CORO2B: variants seen among roughly 807,000 people sequenced by gnomAD.
CORO2B encodes coronin 2B, also known as coronin-2B.
CORO2B carries 26 observed loss-of-function variants against 58.8 expected under a neutral mutation model. The ratio of observed to expected loss-of-function variants is 0.44; its 90% CI spans 0.32 to 0.61. The LOEUF (loss-of-function observed/expected upper bound fraction) is 0.61. Ranked by LOEUF, CORO2B falls within the 20% of genes least tolerant of loss-of-function variation. The pLI is 0.04. For synonymous variants in CORO2B, 242 were observed against 253.8 expected, an observed-to-expected ratio of 0.95 and a Z score of 0.44; for missense variants, 460 against 645.1, an observed-to-expected ratio of 0.71 and a Z score of 3.11.
At chr15:68,632,067 C>G in intron 1 of CORO2B, 1 of 985,466 alleles carries the variant, frequency 1.0e-6, no homozygotes, top group Non-Finnish European at 1.2e-6. Context: ...GCTCCCAGGC[C>G]TCTCAGATGC....
intron 1 of CORO2B, among the ~76,000 whole-genome samples, chr15:68,619,315 C>T (rs1382992982): frequency 4.6e-5 from 7 of 152,166 alleles, no homozygotes; most frequent in Non-Finnish European, 1.0e-4. Context: ...CTTAGATTTT[C>T]ATCCTGCTGC....
upstream of CORO2B, among the ~76,000 whole-genome samples, chr15:68,576,449 A>G (rs1899289396): frequency 6.6e-6 from 1 of 152,204 alleles, no homozygotes; most frequent in Admixed American, 6.5e-5. Flanking sequence ...TACTTGTCTC[A>G]TTCTCAGAGC....
rs1324776228 is a variant in CORO2B, at chr15:68,714,680, G to A, written c.870+17G>A. ...GCTGGAAAGGTAGTAGGAGGTGGGG[G>A]AGGGCCCGGGGCAGCCTGTGGGAGA... On this transcript the variant is annotated intron_variant, in intron 7 of 11. Transcript: ENST00000261861. 6.3e-7 allele frequency: 1 copy of A among 1,597,806 alleles called. No individual in the cohort carries two copies. Among genetic ancestry groups the A allele is most frequent in the Non-Finnish European group, 8.6e-7 (1 of 1,165,764 alleles).
the CORO2B span, among the ~76,000 whole-genome samples, chr15:68,559,840 C>G: frequency 6.6e-6 from 1 of 152,252 alleles, no homozygotes; most frequent in Admixed American, 6.5e-5. This position sits in a 1 kb window ranked among gnomAD's most constrained non-coding sequence, Gnocchi z 4.3. Context: ...AGGTCTCCCG[C>G]AAACGCGCGC....
At chr15:68,721,623 T>C (rs1482426870) in intron 11 of CORO2B, among the ~76,000 whole-genome samples, 1 of 152,188 alleles carries the variant, frequency 6.6e-6, no homozygotes, top group Non-Finnish European at 1.5e-5. Context: ...GGAGAATCAC[T>C]TGAACCCAGG....
At chr15:68,689,043 C>G (rs780039077) in intron 2 of CORO2B, among the ~76,000 whole-genome samples, 16 of 151,958 alleles carry the variant, frequency 1.1e-4, no homozygotes, top group African/African-American at 2.2e-4. Flanking sequence ...GATCCCCAGC[C>G]CCGAGCTCTT....
intron 2 of CORO2B, among the ~76,000 whole-genome samples, chr15:68,657,195 A>G (rs1476145844): frequency 6.6e-6 from 1 of 152,176 alleles, no homozygotes; most frequent in Non-Finnish European, 1.5e-5. Context: ...TTAAGTATAC[A>G]AAATAGGATT....
intron 1 of CORO2B, among the ~76,000 whole-genome samples, chr15:68,599,691 C>T (rs1328605054): frequency 6.6e-6 from 1 of 152,176 alleles, no homozygotes; most frequent in Non-Finnish European, 1.5e-5. Context: ...AGACCTTCCA[C>T]CCAAGAGAGG....
chr15:68,615,624 T>A (rs1900335869), intron 1 of CORO2B, among the ~76,000 whole-genome samples: 1 of 152,128 alleles, frequency 6.6e-6, no homozygotes, highest in Non-Finnish European at 1.5e-5. Flanking sequence ...TTATGATAAA[T>A]CATGAAGATT....
intron 1 of CORO2B, among the ~76,000 whole-genome samples, chr15:68,581,658 A>T (rs1899428379): frequency 6.6e-6 from 1 of 152,100 alleles, no homozygotes; most frequent in African/African-American, 2.4e-5. Flanking sequence ...TCTGGCAAGA[A>T]AGTCACCTCT....
chr15:68,710,423 G>A lies in CORO2B; in HGVS notation c.334-309G>A, dbSNP rs1892885755. Among the ~76,000 whole-genome samples, 3 of 152,232 alleles carry A rather than the reference G, an allele frequency of 2.0e-5. No homozygotes were observed. In the South Asian group the frequency reaches 6.2e-4, roughly 31 times the overall value. ...TTTTTAACACAACATTTGCTAAAAG[G>A]GGCTCATGCATGTTCTTCTTATCCG... is the stretch of plus-strand genomic sequence containing the variant. On this transcript the variant is annotated intron_variant, in intron 3 of 11. Transcript: ENST00000261861. This position sits in a 1 kb window ranked among gnomAD's most constrained non-coding sequence, Gnocchi z 4.1.
At position 68,668,531 on chromosome 15, in the gene CORO2B, G is replaced by C. The variant is rs139835081; in HGVS notation, c.216+23171G>C. Among the ~76,000 whole-genome samples, 20 of 152,288 alleles carry C rather than the reference G, an allele frequency of 1.3e-4. No individual in the cohort carries two copies. The East Asian group carries it at 3.7e-3, about 28-fold the overall frequency. On this transcript the variant is annotated intron_variant, in intron 2 of 11. Coordinates refer to ENST00000261861, the MANE Select transcript of CORO2B (RefSeq NM_006091.5). The stretch of plus-strand genomic sequence containing the variant: ...CCTCTCTGCAAACTTGAATGGGATG[G>C]AGCCGGTCAAGTAAAGAGCATGCGG...
chr15:68,636,567 A>G (rs972767736), intron 1 of CORO2B, among the ~76,000 whole-genome samples: 9 of 152,184 alleles, frequency 5.9e-5, no homozygotes, highest in Middle Eastern at 3.2e-3. Context: ...AGGAATTCCA[A>G]TTTCCTGGGT....
the CORO2B span, among the ~76,000 whole-genome samples, chr15:68,551,460 T>C: frequency 1.4e-4 from 21 of 152,232 alleles, no homozygotes; most frequent in African/African-American, 3.9e-4. Context: ...CCACAACTGT[T>C]CCCGGAGGCT....
intron 2 of CORO2B, among the ~76,000 whole-genome samples, chr15:68,688,875 G>A (rs531354362): frequency 2.0e-5 from 3 of 152,248 alleles, no homozygotes; most frequent in East Asian, 1.9e-4. Context: ...ATGGATCTCC[G>A]GAGAAGGTGC....
At chr15:68,642,668 C>T (rs556299492) in intron 1 of CORO2B, among the ~76,000 whole-genome samples, 2 of 152,284 alleles carry the variant, frequency 1.3e-5, no homozygotes, top group African/African-American at 4.8e-5. Context: ...GTATCACTTC[C>T]TGCCATCACA....
chr15:68,622,487 G>A (rs1237887202), intron 1 of CORO2B, among the ~76,000 whole-genome samples: 1 of 152,176 alleles, frequency 6.6e-6, no homozygotes, highest in Non-Finnish European at 1.5e-5. Context: ...CCTGCTATAT[G>A]AGTCCCATCC....
chr15:68,702,170 T>C (rs1596025942), intron 3 of CORO2B, among the ~76,000 whole-genome samples: 1 of 151,816 alleles, frequency 6.6e-6, no homozygotes, highest in African/African-American at 2.4e-5. Context: ...AGGAGGAGGG[T>C]AGTCTGCCTG....
At chr15:68,534,467 A>G in the CORO2B span, among the ~76,000 whole-genome samples, 1 of 152,262 alleles carries the variant, frequency 6.6e-6, no homozygotes. Context: ...ACACAAGAGA[A>G]GCTCAATGAG....
Sources: gnomAD v4.1 joint callset for allele counts (sites outside exome capture counted in the v4.1 genomes callset) on GRCh38, gnomAD v4.1.1 for gene constraint, Gnocchi (gnomAD v3.1) non-coding constraint, MANE v1.5 for transcripts, NCBI Gene and HGNC (gene_info 2026-07-23, HGNC 2026-07-21) for gene names.